PRKN: variants seen among roughly 807,000 people sequenced by gnomAD.
PRKN encodes the protein parkin RBR E3 ubiquitin protein ligase, also known as E3 ubiquitin-protein ligase parkin.
PRKN carries 56 observed loss-of-function variants against 59.5 expected under a neutral mutation model. That is an observed-to-expected ratio of 0.94 (90% confidence interval 0.76 to 1.18). The LOEUF is 1.18. Ranked by LOEUF, PRKN falls within the 50% of genes most tolerant of loss-of-function variation. The probability of loss-of-function intolerance (pLI) is 0.00; values close to 1 mark genes in which losing one functional copy is unlikely to be tolerated. For synonymous variants in PRKN, 250 were observed against 222.1 expected, an observed-to-expected ratio of 1.13 and a Z score of -1.12; for missense variants, 657 against 596.4, an observed-to-expected ratio of 1.10 and a Z score of -1.06.
intron 2 of PRKN, among the ~76,000 whole-genome samples, chr6:162,385,653 C>A (rs1004754877): frequency 6.6e-6 from 1 of 152,008 alleles, no homozygotes; most frequent in Non-Finnish European, 1.5e-5. Context: ...CAGGCAGAGG[C>A]CTTCCTGTGC....
intron 1 of PRKN, among the ~76,000 whole-genome samples, chr6:162,542,065 A>G (rs1778947924): frequency 6.6e-6 from 1 of 152,180 alleles, no homozygotes; most frequent in Non-Finnish European, 1.5e-5. Context: ...GTGATATTAC[A>G]GATACCCAAG....
intron 2 of PRKN, among the ~76,000 whole-genome samples, chr6:162,350,248 C>T (rs1327165868): frequency 1.3e-5 from 2 of 152,082 alleles, no homozygotes; most frequent in East Asian, 3.9e-4. Context: ...TTAGAAGACT[C>T]AGTGTTGTCA....
At chr6:162,292,216 G>C (rs551448832) in intron 2 of PRKN, among the ~76,000 whole-genome samples, 1 of 151,894 alleles carries the variant, frequency 6.6e-6, no homozygotes. Flanking sequence ...TGCCCACCTC[G>C]GCCTCCCAAA....
chr6:161,919,119 T>C (rs1381144161), intron 6 of PRKN, among the ~76,000 whole-genome samples: 5 of 152,178 alleles, frequency 3.3e-5, no homozygotes, highest in Admixed American at 3.3e-4. Flanking sequence ...ACAACGCAAA[T>C]GTCCATCTAC....
chr6:162,476,354 G>A (rs9356025), intron 1 of PRKN, among the ~76,000 whole-genome samples: 47,332 of 151,920 alleles, frequency 0.31, 7,652 homozygotes, highest in East Asian at 0.49. Flanking sequence ...TTACAGGTGT[G>A]AGCCACCGCG....
rs375912296 is a variant in PRKN at position 161,410,769 on chromosome 6, C to T, written c.1084-23892G>A. ...AATGCATCATTGGTGCTCATGACAA[C>T]GGCACGCCAAGGGGCTTGATGGCAG... On this transcript the variant is annotated intron_variant, in intron 9 of 11. Coordinates refer to ENST00000366898, the MANE Select transcript of PRKN (RefSeq NM_004562.3). The surrounding 1 kb of genome is among the most constrained non-coding windows in gnomAD (Gnocchi z 5.3). Among the ~76,000 whole-genome samples the T allele has an allele frequency of 3.7e-4, 57 of 152,192 alleles. No homozygotes were observed. Among genetic ancestry groups the T allele is most frequent in the African/African-American group, 1.2e-3 (51 of 41,526 alleles).
chr6:161,701,290 GTGTGTGACCCATTA>G (rs1393074154), intron 7 of PRKN, among the ~76,000 whole-genome samples: 1 of 152,176 alleles, frequency 6.6e-6, no homozygotes, highest in Admixed American at 6.5e-5. Context: ...AGTTTCCATT[GTGTGTGACCCATTA>G]TGTGTGACCT....
intron 6 of PRKN, among the ~76,000 whole-genome samples, chr6:161,887,136 G>C (rs1297887193): frequency 6.6e-6 from 1 of 152,198 alleles, no homozygotes; most frequent in Non-Finnish European, 1.5e-5. Flanking sequence ...TACTGTAAGA[G>C]ATGTGGTCTC....
chr6:162,727,719 G>T lies in PRKN; in HGVS notation c.-51C>A. On this transcript the variant is annotated 5_prime_UTR_variant, in exon 1 of 12. It adds an upstream start codon to the 5' untranslated region. Coordinates refer to ENST00000366898, the MANE Select transcript of PRKN (RefSeq NM_004562.3). ...GGCCAGGAACAGGCCCATGCGCGCA[G>T]CGGCGCCAGCCGCGCCTCCCACCAG... is the stretch of plus-strand genomic sequence containing the variant. The T allele has an allele frequency of 9.7e-6, 15 of 1,547,686 alleles. No homozygotes were observed. The highest frequency in any genetic ancestry group is 1.3e-5 in the Non-Finnish European group (15 of 1,144,332).
chr6:162,539,291 A>G (rs182504088), intron 1 of PRKN, among the ~76,000 whole-genome samples: 1 of 152,144 alleles, frequency 6.6e-6, no homozygotes, highest in East Asian at 1.9e-4. Flanking sequence ...GGGATGCTAT[A>G]ATTTTCATCT....
intron 1 of PRKN, among the ~76,000 whole-genome samples, chr6:162,554,136 A>T (rs9356039): frequency 6.6e-6 from 1 of 152,208 alleles, no homozygotes; most frequent in East Asian, 1.9e-4. Context: ...AATGTCACTG[A>T]AGATGAGCAG....
At chr6:161,766,529 C>A (rs181107378) in intron 7 of PRKN, among the ~76,000 whole-genome samples, 1 of 151,994 alleles carries the variant, frequency 6.6e-6, no homozygotes, top group Non-Finnish European at 1.5e-5. Flanking sequence ...AGGATGGTCT[C>A]GATTTCTTGA....
At position 162,546,404 on chromosome 6, in the gene PRKN, G is replaced by T. The variant is rs147357006; in HGVS notation, c.8-102931C>A. On this transcript the variant is annotated intron_variant, in intron 1 of 11. Coordinates refer to ENST00000366898, the MANE Select transcript of PRKN (RefSeq NM_004562.3). The stretch of plus-strand genomic sequence containing the variant: ...AGGCATGAGCTACAGCACCAGGTCG[G>T]TGTGCAGTTTTGACCTTGTTATTTG... Among the ~76,000 whole-genome samples, 434 of 151,580 alleles carry T rather than the reference G, an allele frequency of 2.9e-3. 9 individuals carry two copies. Among genetic ancestry groups the T allele is most frequent in the Admixed American group, 0.022 (333 of 15,218 alleles).
rs1030317475 is a variant in PRKN, at chr6:161,419,651, G to A, written c.1084-32774C>T. On this transcript the variant is annotated intron_variant, in intron 9 of 11. Transcript: ENST00000366898. This position sits in a 1 kb window ranked among gnomAD's most constrained non-coding sequence, Gnocchi z 4.1. Reference sequence around the variant, plus strand: ...GATCTGCCCACCTCTGCCTCCCAAAGTGCTGGGATTACAGGCATGAACCAC... The same window carrying A: ...GATCTGCCCACCTCTGCCTCCCAAAATGCTGGGATTACAGGCATGAACCAC... Among the ~76,000 whole-genome samples the A allele has an allele frequency of 1.3e-5, 2 of 151,870 alleles. No homozygotes were observed. Among genetic ancestry groups the A allele is most frequent in the African/African-American group, 4.8e-5 (2 of 41,354 alleles).
intron 7 of PRKN, among the ~76,000 whole-genome samples, chr6:161,626,220 C>T (rs780297228): frequency 5.9e-5 from 9 of 152,128 alleles, no homozygotes; most frequent in Admixed American, 2.6e-4. Flanking sequence ...CCTGTTTTGG[C>T]GTAACCAGCT....
At chr6:161,711,083 C>T (rs1174631653) in intron 7 of PRKN, among the ~76,000 whole-genome samples, 1 of 151,898 alleles carries the variant, frequency 6.6e-6, no homozygotes, top group African/African-American at 2.4e-5. Context: ...ATCTAAAAAC[C>T]TATCTTTTCA....
intron 6 of PRKN, among the ~76,000 whole-genome samples, chr6:161,943,210 T>C (rs1206108243): frequency 6.6e-6 from 1 of 152,208 alleles, no homozygotes; most frequent in Admixed American, 6.5e-5. Flanking sequence ...ACAATTCTCC[T>C]CCCAACATCT....
chr6:161,761,805 G>T (rs1789213948), intron 7 of PRKN, among the ~76,000 whole-genome samples: 1 of 152,146 alleles, frequency 6.6e-6, no homozygotes. Flanking sequence ...TGGGAAAAAC[G>T]GAATCCCAAG....
rs769724259 is a variant in PRKN, at chr6:161,399,113, G to C, written c.1084-12236C>G. On this transcript the variant is annotated intron_variant, in intron 9 of 11. Coordinates refer to ENST00000366898, the MANE Select transcript of PRKN (RefSeq NM_004562.3). This position sits in a 1 kb window ranked among gnomAD's most constrained non-coding sequence, Gnocchi z 4.4. ...AGAGGAGTTCTGCTGCAGACAGTTA[G>C]AGAGGAGATTGGCTGCTGGACGGCC... Among the ~76,000 whole-genome samples the C allele has an allele frequency of 3.3e-5, 5 of 152,154 alleles. No individual in the cohort carries two copies. The highest frequency in any genetic ancestry group is 7.3e-5 in the Non-Finnish European group (5 of 68,034).
Sources: gnomAD v4.1 joint callset for allele counts (sites outside exome capture counted in the v4.1 genomes callset) on GRCh38, gnomAD v4.1.1 for gene constraint, Gnocchi (gnomAD v3.1) non-coding constraint, MANE v1.5 for transcripts, NCBI Gene and HGNC (gene_info 2026-07-23, HGNC 2026-07-21) for gene names.